Variants in PRKG2 observed in about 807,000 individuals in gnomAD.
The protein encoded by PRKG2 is cGMP-dependent protein kinase 2.
A neutral mutation model predicts 97.2 loss-of-function variants in PRKG2; 33 were observed. The ratio of observed to expected loss-of-function variants is 0.34; its 90% CI spans 0.26 to 0.45. The LOEUF is 0.45. Among genes scored for constraint, PRKG2 ranks in the 20% least tolerant of loss-of-function variants. The pLI, the probability that PRKG2 is intolerant of heterozygous loss-of-function variation, is 1.00. For synonymous variants in PRKG2, 330 were observed against 321.8 expected (o/e 1.03, Z -0.27); for missense variants, 638 against 900.0 (o/e 0.71, Z 3.73).
chr4:81,208,588 A>AT (rs1188504198), intron 1 of PRKG2, among the ~76,000 whole-genome samples: 1 of 151,892 alleles, frequency 6.6e-6, no homozygotes, highest in Non-Finnish European at 1.5e-5. Flanking sequence ...TGCTTGACTG[A>AT]TTTTTTTTAT....
chr4:81,180,123 A>G (rs1751281220), intron 2 of PRKG2, among the ~76,000 whole-genome samples: 1 of 152,116 alleles, frequency 6.6e-6, no homozygotes, highest in Non-Finnish European at 1.5e-5. Flanking sequence ...ACAAGAGTGA[A>G]ACTCCATCTC....
At chr4:81,173,860 T>A (rs1268116522) in intron 3 of PRKG2, 5 of 152,054 alleles carry the variant, frequency 3.3e-5, no homozygotes, top group Admixed American at 3.3e-4. Flanking sequence ...ATGACAACCA[T>A]CATTGTTGTC....
intron 2 of PRKG2, among the ~76,000 whole-genome samples, chr4:81,186,387 A>G (rs1363099527): frequency 6.6e-6 from 1 of 152,178 alleles, no homozygotes; most frequent in Non-Finnish European, 1.5e-5. Context: ...GTAAATAACA[A>G]AATTAAGGCA....
rs535314553 is a variant in PRKG2, at chr4:81,187,946, C to T, written c.462-12987G>A. Among the ~76,000 whole-genome samples, 22 of 152,212 alleles carry T rather than the reference C, an allele frequency of 1.4e-4. No homozygotes were observed. The East Asian group carries it at 3.9e-3, about 27-fold the overall frequency. ...AGAAGAAAACCTAGGCATTACCATT[C>T]AGGACATAGGCATGGGCAAGGACTT... On this transcript the variant is annotated intron_variant, in intron 2 of 18. Transcript: ENST00000264399.
intron 5 of PRKG2, among the ~76,000 whole-genome samples, chr4:81,168,441 C>T (rs774590815): frequency 3.6e-4 from 55 of 152,252 alleles, no homozygotes; most frequent in South Asian, 6.2e-4. Context: ...TAAGAACATA[C>T]TAGACTCCAA....
intron 7 of PRKG2, among the ~76,000 whole-genome samples, chr4:81,152,972 C>A (rs956220605): frequency 2.6e-5 from 4 of 152,180 alleles, no homozygotes; most frequent in African/African-American, 7.2e-5. Context: ...ATGTAAAAAT[C>A]TGACAGTTTA....
chr4:81,152,529 T>C (rs530467963), intron 7 of PRKG2, among the ~76,000 whole-genome samples: 108 of 152,302 alleles, frequency 7.1e-4, no homozygotes, highest in African/African-American at 2.4e-3. Context: ...AAAATGTTGA[T>C]TGAAGAAGGG....
At chr4:81,179,386 T>C (rs1413619220) in intron 2 of PRKG2, among the ~76,000 whole-genome samples, 1 of 152,116 alleles carries the variant, frequency 6.6e-6, no homozygotes, top group African/African-American at 2.4e-5. Context: ...CAGTAGCATA[T>C]CTTAAAAGCG....
intron 9 of PRKG2, among the ~76,000 whole-genome samples, chr4:81,144,613 T>A (rs866655108): frequency 0.077 from 11,470 of 149,818 alleles, 1,492 homozygotes; most frequent in African/African-American, 0.26. Context: ...TATATATATT[T>A]TTTTTTTATT....
rs573641435 is a variant in PRKG2, at chr4:81,101,578, AG to A, written c.2126+2791del. On this transcript the variant is annotated intron_variant, in intron 17 of 18. Transcript: ENST00000264399. Reference sequence around the variant, plus strand: ...CCGGGGCCTGTTGTGGGGTGGGGGGAGGGGGGAGGTATGGCATTTGGTGATA... The same window carrying A: ...CCGGGGCCTGTTGTGGGGTGGGGGGAGGGGGAGGTATGGCATTTGGTGATA... Among the ~76,000 whole-genome samples, 12 of 57,842 alleles carry A rather than the reference AG, an allele frequency of 2.1e-4. No homozygotes were observed. In the South Asian group the frequency reaches 6.4e-3, roughly 31 times the overall value. 37.9% of individuals were successfully genotyped at this position (57,842 alleles called of 152,430 possible). A position where few individuals can be genotyped will look rare whatever the true frequency, so the allele number is the denominator to read the frequency against.
At chr4:81,127,284 T>C (rs1745692682) in intron 14 of PRKG2, among the ~76,000 whole-genome samples, 1 of 152,236 alleles carries the variant, frequency 6.6e-6, no homozygotes, top group Middle Eastern at 3.2e-3. Flanking sequence ...GCAGAATAGT[T>C]TGAAGTCAGG....
At chr4:81,189,622 G>A (rs2110110002) in intron 2 of PRKG2, among the ~76,000 whole-genome samples, 1 of 149,738 alleles carries the variant, frequency 6.7e-6, no homozygotes, top group African/African-American at 2.5e-5. Flanking sequence ...GGGGTAGAGG[G>A]AGTGGGGAGG....
At chr4:81,104,309 G>T in intron 17 of PRKG2, 61 bp downstream of exon 17, 1 of 1,274,670 alleles carries the variant, frequency 7.8e-7, no homozygotes. Flanking sequence ...AGAAGCTTTT[G>T]CAAGTACCAC....
intron 6 of PRKG2, among the ~76,000 whole-genome samples, chr4:81,162,054 G>C (rs748287757): frequency 6.6e-6 from 1 of 152,128 alleles, no homozygotes; most frequent in Non-Finnish European, 1.5e-5. Context: ...GCCATGCTAA[G>C]AAGGAGGATG....
intron 6 of PRKG2, among the ~76,000 whole-genome samples, chr4:81,162,531 G>T (rs1215566196): frequency 6.6e-6 from 1 of 152,182 alleles, no homozygotes; most frequent in Non-Finnish European, 1.5e-5. Context: ...CCAAATGACT[G>T]TGTGGAGCCA....
chr4:81,120,488 G>A (rs771067720), intron 14 of PRKG2, among the ~76,000 whole-genome samples: 11 of 151,922 alleles, frequency 7.2e-5, no homozygotes, highest in Non-Finnish European at 1.2e-4. Flanking sequence ...TCAAAATTTT[G>A]TAGTTTTCCT....
At chr4:81,167,852 T>C (rs898994267) in intron 5 of PRKG2, among the ~76,000 whole-genome samples, 1 of 148,920 alleles carries the variant, frequency 6.7e-6, no homozygotes, top group African/African-American at 2.4e-5. Context: ...ACGCAGATAC[T>C]CTCAAGGAGA....
intron 2 of PRKG2, among the ~76,000 whole-genome samples, chr4:81,180,969 A>AAT (rs111413852): frequency 0.24 from 34,757 of 146,588 alleles, 8,152 homozygotes; most frequent in African/African-American, 0.59. Context: ...TATATCTCCT[A>AAT]GCTATCCCTC....
chr4:81,201,135 A>G (rs1209447450), intron 2 of PRKG2, among the ~76,000 whole-genome samples: 1 of 152,244 alleles, frequency 6.6e-6, no homozygotes, highest in Admixed American at 6.5e-5. Flanking sequence ...GTTACAGTCA[A>G]AACCATTAGA....
Sources: allele counts gnomAD v4.1 joint callset (sites outside exome capture counted in the v4.1 genomes callset), GRCh38; gene constraint gnomAD v4.1.1; transcripts MANE v1.5; gene names NCBI Gene and HGNC (gene_info 2026-07-23, HGNC 2026-07-21).